CCNA1: variants seen among roughly 807,000 people sequenced by gnomAD.
CCNA1 encodes the protein cyclin A1, also known as cyclin-A1.
In CCNA1, 23 loss-of-function variants were observed where a neutral mutation model predicts 54.1. The ratio of observed to expected loss-of-function variants is 0.42; its 90% CI spans 0.31 to 0.60. The LOEUF (loss-of-function observed/expected upper bound fraction) is 0.60, where lower values mean the gene tolerates loss of function less well. Among genes scored for constraint, CCNA1 ranks in the 20% least tolerant of loss-of-function variants. The probability of loss-of-function intolerance (pLI) is 0.14; values close to 1 mark genes in which losing one functional copy is unlikely to be tolerated. For synonymous variants in CCNA1, 208 were observed against 213.9 expected (o/e 0.97, Z 0.24); for missense variants, 450 against 556.7 (o/e 0.81, Z 1.93).
intron 1 of CCNA1, 85 bp from the exon 2 acceptor site, chr13:36,432,948 T>G: frequency 1.5e-6 from 2 of 1,296,450 alleles, no homozygotes; most frequent in Non-Finnish European, 2.2e-6. Context: ...CTTGGTGCTC[T>G]CCCTCCTAGA....
intron 6 of CCNA1, 86 bp downstream of exon 6, chr13:36,440,269 T>A: frequency 2.5e-6 from 3 of 1,210,904 alleles, no homozygotes; most frequent in Non-Finnish European, 3.6e-6. Flanking sequence ...AGTTCTTTTT[T>A]CCTTTTCAGT....
chr13:36,437,478 AC>A (rs2055818731), intron 2 of CCNA1, 150 bp from the exon 3 acceptor site: 7 of 751,630 alleles, frequency 9.3e-6, no homozygotes, highest in Non-Finnish European at 1.5e-5. Context: ...ACTTTTGAAG[AC>A]CTTTTTTTTT....
chr13:36,442,626 G>T lies in CCNA1; in HGVS notation c.1359G>T (p.Val453=), dbSNP rs764871951. ...GGTCTTGTTTCAGGTACCTGTGTGT[G>T]TCCCTCATGGAGCCACCTGCAGTTC... The change falls in exon 9 of 9, where the codon GTG becomes GTT. Residue 453 remains valine, a synonymous_variant. Transcript: ENST00000255465. The T allele has an allele frequency of 1.9e-6, 3 of 1,613,850 alleles. No individual in the cohort carries two copies. The African/African-American group carries it at 4.0e-5, about 22-fold the overall frequency.
At chr13:36,435,706 C>T (rs573675195) in intron 2 of CCNA1, among the ~76,000 whole-genome samples, 46 of 152,328 alleles carry the variant, frequency 3.0e-4, no homozygotes, top group African/African-American at 9.4e-4. Flanking sequence ...TAAACACTCT[C>T]TATTTGGTGA....
upstream of CCNA1, chr13:36,432,308 G>A: frequency 3.1e-6 from 1 of 326,046 alleles, no homozygotes; most frequent in Non-Finnish European, 5.6e-6. Flanking sequence ...GCATCGCTAA[G>A]CCCGGCCGCC....
At position 36,440,118 on chromosome 13, in the gene CCNA1, A is replaced by G. The variant is rs61755282; in HGVS notation, c.1033A>G (p.Asn345Asp). The change falls in exon 6 of 9, where the codon AAC (asparagine) becomes GAC (aspartate). Residue 345 changes from asparagine to aspartate, a missense_variant. By Grantham distance (23) the Asn-to-Asp change is conservative. Transcript: ENST00000255465. ...TTTTGATCTGACAGTACCAACCACC[A>G]ACCAGTTTCTCCTTCAGTACTTGAG... 6.9e-4 allele frequency: 1,116 copies of G among 1,614,104 alleles called. No individual in the cohort carries two copies. The highest frequency in any genetic ancestry group is 8.7e-4 in the South Asian group (79 of 91,082).
chr13:36,433,430 C>G (rs2055753884), intron 2 of CCNA1, among the ~76,000 whole-genome samples: 1 of 103,556 alleles, frequency 9.7e-6, no homozygotes, highest in African/African-American at 3.7e-5. Context: ...TTCTTTCTTT[C>G]TTTCTTTCTT....
chr13:36,439,377 T>C (rs893285006), intron 5 of CCNA1, among the ~76,000 whole-genome samples: 1 of 152,220 alleles, frequency 6.6e-6, no homozygotes, highest in Non-Finnish European at 1.5e-5. Context: ...GACCTGTTGC[T>C]GAGTGGTAGT....
At chr13:36,438,287 C>A in intron 4 of CCNA1, 96 bp downstream of exon 4, 2 of 1,028,392 alleles carry the variant, frequency 1.9e-6, no homozygotes, top group Non-Finnish European at 2.9e-6. Context: ...TAGTGAATGG[C>A]ACTCTTATGC....
In CCNA1 at chr13:36,433,371, TTTC is replaced by T. The variant is rs1399305464; in HGVS notation, c.297+153_297+155del. 13 of 67,880 alleles carry T rather than the reference TTTC, an allele frequency of 1.9e-4. 1 individual carries two copies. In the Admixed American group the frequency reaches 5.2e-3, roughly 27 times the overall value. The allele number at this position is 67,880 out of a possible 1,614,324, so 4.2% of individuals were successfully genotyped here. ...ACTACAGGAAAGTTGATTGATTTAT[TTTC>T]TTTCTTTCTTTCTTTCTTTCTTTCT... is the stretch of plus-strand genomic sequence containing the variant. On this transcript the variant is annotated intron_variant, in intron 2 of 8. Coordinates refer to ENST00000255465, the MANE Select transcript of CCNA1 (RefSeq NM_003914.4).
intron 2 of CCNA1, among the ~76,000 whole-genome samples, chr13:36,435,855 C>A (rs1014486460): frequency 6.6e-6 from 1 of 152,202 alleles, no homozygotes; most frequent in Non-Finnish European, 1.5e-5. Flanking sequence ...TCCCTACTCC[C>A]AGACTGCTCT....
chr13:36,432,475 G>A (rs544131704), upstream of CCNA1: 2 of 285,470 alleles, frequency 7.0e-6, no homozygotes, highest in Non-Finnish European at 1.3e-5. Context: ...TCTTAACCGC[G>A]ATCCTCCAGT....
intron 5 of CCNA1, among the ~76,000 whole-genome samples, chr13:36,439,692 C>T (rs1419583629): frequency 2.0e-5 from 3 of 152,264 alleles, no homozygotes; most frequent in Non-Finnish European, 4.4e-5. Context: ...GTCTGTCATT[C>T]AGAATCTTTC....
upstream of CCNA1, chr13:36,431,727 A>G (rs1468724097): frequency 6.6e-6 from 1 of 152,222 alleles, no homozygotes; most frequent in East Asian, 1.9e-4. Flanking sequence ...CCGCGACTGC[A>G]CTTGGGGCAG....
intron 8 of CCNA1, 72 bp downstream of exon 8, chr13:36,442,376 T>G: frequency 1.3e-6 from 2 of 1,490,860 alleles, no homozygotes; most frequent in Non-Finnish European, 1.8e-6. Context: ...GGTTACTAGA[T>G]TAAAAATAGA....
chr13:36,432,190 C>G (rs1488107480), upstream of CCNA1: 1 of 161,180 alleles, frequency 6.2e-6, no homozygotes, highest in African/African-American at 2.4e-5. Flanking sequence ...CATGGCGATG[C>G]GGCCCCGGAG....
At chr13:36,437,942 T>A in intron 3 of CCNA1, 67 bp downstream of exon 3, 4 of 1,577,994 alleles carry the variant, frequency 2.5e-6, no homozygotes, top group Non-Finnish European at 1.7e-6. Flanking sequence ...CAGCATTCAA[T>A]AGCTAGTAAC....
chr13:36,435,658 G>C lies in CCNA1; in HGVS notation c.298-1971G>C, dbSNP rs7321871. ...GGACCTAGTCTTTGATCTAAATCTT[G>C]CACTCACTCCCTTAGTAGCCTCTTA... On this transcript the variant is annotated intron_variant, in intron 2 of 8. Coordinates refer to ENST00000255465, the MANE Select transcript of CCNA1 (RefSeq NM_003914.4). 9.2e-3 allele frequency among the ~76,000 whole-genome samples: 1,402 copies of C among 152,208 alleles called. 23 individuals carry two copies. Among genetic ancestry groups the C allele is most frequent in the African/African-American group, 0.032 (1,321 of 41,518 alleles).
rs751042420 is a variant in CCNA1 at position 36,437,639 on chromosome 13, G to A, written c.308G>A (p.Arg103Lys). The change falls in exon 3 of 9, where the codon AGA becomes AAA. Residue 103 changes from arginine (R) to lysine (K), a missense_variant. By Grantham distance (26) the Arg-to-Lys change is conservative. Around this residue, in one of 6 missense-constraint regions of CCNA1, gnomAD observed 19 missense variants for 40.5 expected, o/e 0.47. Coordinates refer to ENST00000255465, the MANE Select transcript of CCNA1 (RefSeq NM_003914.4). ...TTAAACGTTTTTTAGGGGATCACAA[G>A]AATCAGGTGTTATTCTGGATCAGAA... 6.2e-7 allele frequency: 1 copy of A among 1,613,834 alleles called. No homozygotes were observed. Among genetic ancestry groups the A allele is most frequent in the East Asian group, 2.2e-5 (1 of 44,866 alleles).
Sources: allele counts gnomAD v4.1 joint callset (sites outside exome capture counted in the v4.1 genomes callset), GRCh38; gene constraint gnomAD v4.1.1; regional missense constraint gnomAD v4.1.1; transcripts MANE v1.5; gene names NCBI Gene and HGNC (gene_info 2026-07-23, HGNC 2026-07-21).